Variants in CACHD1 observed in about 807,000 individuals in gnomAD.
CACHD1 encodes the protein cache domain containing 1.
Under a neutral mutation model 138.7 loss-of-function variants are expected in CACHD1, and 71 were observed. That is an observed-to-expected ratio of 0.51 (90% CI 0.42 to 0.62). The LOEUF is 0.62. CACHD1 is among the 20% of genes least tolerant of loss of function. The pLI, the probability that CACHD1 is intolerant of heterozygous loss-of-function variation, is 0.00. For synonymous variants in CACHD1, 578 were observed against 591.5 expected (o/e 0.98, Z 0.33); for missense variants, 1,389 against 1,625.3 (o/e 0.85, Z 2.50).
intron 1 of CACHD1, among the ~76,000 whole-genome samples, chr1:64,543,856 C>G (rs563405811): frequency 2.6e-3 from 328 of 124,488 alleles, no homozygotes; most frequent in African/African-American, 8.1e-3. Flanking sequence ...CATTAATTAC[C>G]TTTTCAGTGC....
At chr1:64,669,986 A>T (rs1557549322) in intron 16 of CACHD1, among the ~76,000 whole-genome samples, 2 of 152,196 alleles carry the variant, frequency 1.3e-5, no homozygotes, top group African/African-American at 4.8e-5. Context: ...TTCTCAGCCT[A>T]ATCTTCTATT....
At chr1:64,674,671 G>A (rs1192681520) in intron 19 of CACHD1, among the ~76,000 whole-genome samples, 2 of 152,084 alleles carry the variant, frequency 1.3e-5, no homozygotes, top group South Asian at 2.1e-4. Flanking sequence ...TCCTCACCAA[G>A]CATATATACA....
intron 12 of CACHD1, among the ~76,000 whole-genome samples, chr1:64,655,409 A>G (rs750591846): frequency 4.7e-4 from 71 of 152,006 alleles, no homozygotes; most frequent in Non-Finnish European, 9.1e-4. Flanking sequence ...ATTTCTTTAA[A>G]CAGTCCCCTA....
intron 1 of CACHD1, among the ~76,000 whole-genome samples, chr1:64,537,253 T>C (rs936185534): frequency 3.9e-5 from 4 of 102,548 alleles, no homozygotes; most frequent in African/African-American, 1.2e-4. Flanking sequence ...GTACTTATGC[T>C]GCCCTGCCCA....
intron 8 of CACHD1, among the ~76,000 whole-genome samples, chr1:64,647,415 C>A (rs1182352088): frequency 6.6e-6 from 1 of 152,212 alleles, no homozygotes; most frequent in Non-Finnish European, 1.5e-5. Context: ...ACAGTTTCAT[C>A]TACTACATTA....
intron 23 of CACHD1, 152 bp from the exon 24 acceptor site, chr1:64,679,443 C>T (rs1650096630): frequency 7.3e-6 from 6 of 824,970 alleles, no homozygotes; most frequent in South Asian, 3.3e-5. Flanking sequence ...CGTTCCCATG[C>T]GTCATGTTTG....
intron 26 of CACHD1, among the ~76,000 whole-genome samples, chr1:64,685,287 T>G (rs923446780): frequency 1.3e-5 from 2 of 152,210 alleles, no homozygotes; most frequent in Non-Finnish European, 2.9e-5. Flanking sequence ...GAATAGGCTA[T>G]GCCATATAGC....
At chr1:64,681,141 A>G in intron 24 of CACHD1, 117 bp from the exon 25 acceptor site, 2 of 677,448 alleles carry the variant, frequency 3.0e-6, no homozygotes, top group South Asian at 4.1e-5. Context: ...CTAAGATGGG[A>G]TTCATTCTTG....
At position 64,582,265 on chromosome 1, in the gene CACHD1, C is replaced by G; in HGVS notation, c.371C>G (p.Ala124Gly). 1 of 1,613,990 alleles carries G rather than the reference C, an allele frequency of 6.2e-7. No homozygotes were observed. Among genetic ancestry groups the G allele is most frequent in the Non-Finnish European group, 8.5e-7 (1 of 1,179,852 alleles). Reference protein sequence around the residue: ...YTAHLTSPLTAIQDCCTIPPS... With the variant: ...YTAHLTSPLTGIQDCCTIPPS... ...GCTCACCTAACCTCTCCCCTAACTG[C>G]AATTCAAGACTGCTGTACTATCCCA... The change falls in exon 3 of 27, where the codon GCA (alanine) becomes GGA (glycine). Residue 124 changes from alanine (A) to glycine (G), a missense_variant. By Grantham distance (60) the Ala-to-Gly change is moderately conservative. Coordinates refer to ENST00000651257, the MANE Select transcript of CACHD1 (RefSeq NM_020925.4).
chr1:64,619,447 G>A (rs772319509), intron 4 of CACHD1, among the ~76,000 whole-genome samples: 5 of 152,178 alleles, frequency 3.3e-5, no homozygotes, highest in African/African-American at 1.2e-4. Context: ...GTCCTTACAC[G>A]GAGGGTGATG....
At chr1:64,571,438 G>A (rs1362925106) in intron 2 of CACHD1, among the ~76,000 whole-genome samples, 3 of 152,018 alleles carry the variant, frequency 2.0e-5, no homozygotes, top group Non-Finnish European at 4.4e-5. Context: ...TCATTCAAAA[G>A]GCATGCTAAG....
At chr1:64,662,660 T>C (rs1212864721) in intron 13 of CACHD1, among the ~76,000 whole-genome samples, 4 of 152,244 alleles carry the variant, frequency 2.6e-5, no homozygotes, top group Admixed American at 2.6e-4. Context: ...TTAAAAATAC[T>C]ATAAGGTTGA....
intron 8 of CACHD1, among the ~76,000 whole-genome samples, chr1:64,644,229 A>G (rs184511499): frequency 1.3e-5 from 2 of 152,300 alleles, no homozygotes; most frequent in East Asian, 3.9e-4. Flanking sequence ...GGATTCTTTC[A>G]TTCATGAGAG....
intron 13 of CACHD1, among the ~76,000 whole-genome samples, chr1:64,660,692 G>A (rs764859380): frequency 1.1e-4 from 17 of 151,752 alleles, no homozygotes; most frequent in African/African-American, 3.6e-4. Flanking sequence ...CACCACGCCC[G>A]GCTAATTTTT....
chr1:64,552,321 T>C (rs2100457534), intron 2 of CACHD1, among the ~76,000 whole-genome samples: 1 of 152,218 alleles, frequency 6.6e-6, no homozygotes, highest in East Asian at 1.9e-4. Context: ...CCAAATAACC[T>C]TGAAGGAAAG....
At chr1:64,641,551 A>G (rs968033163) in intron 7 of CACHD1, among the ~76,000 whole-genome samples, 3 of 152,324 alleles carry the variant, frequency 2.0e-5, no homozygotes, top group Admixed American at 2.0e-4. Flanking sequence ...TGGTGCCTAA[A>G]GGAAATCGCC....
At chr1:64,499,785 G>A (rs1269787856) in intron 1 of CACHD1, among the ~76,000 whole-genome samples, 1 of 152,192 alleles carries the variant, frequency 6.6e-6, no homozygotes, top group African/African-American at 2.4e-5. Flanking sequence ...CATTAGAGAT[G>A]TTGTTGATTA....
chr1:64,670,856 A>T (rs1649789068), intron 16 of CACHD1, among the ~76,000 whole-genome samples: 1 of 152,220 alleles, frequency 6.6e-6, no homozygotes, highest in Non-Finnish European at 1.5e-5. Context: ...CATAAGCCAC[A>T]TATATAGAAA....
intron 3 of CACHD1, among the ~76,000 whole-genome samples, chr1:64,589,727 T>C (rs547052058): frequency 6.6e-6 from 1 of 152,256 alleles, no homozygotes; most frequent in South Asian, 2.1e-4. Context: ...TAATCAACTT[T>C]ACTCATCACC....
Sources: allele counts gnomAD v4.1 joint callset (sites outside exome capture counted in the v4.1 genomes callset), GRCh38; gene constraint gnomAD v4.1.1; transcripts MANE v1.5; gene names NCBI Gene and HGNC (gene_info 2026-07-23, HGNC 2026-07-21).